FXYD2: variants seen among roughly 807,000 people sequenced by gnomAD.
FXYD2 encodes the protein sodium/potassium-transporting ATPase subunit gamma.
In FXYD2, 8 loss-of-function variants were observed where a neutral mutation model predicts 11.8. The ratio of observed to expected loss-of-function variants is 0.68; its 90% CI spans 0.40 to 1.22. The LOEUF is 1.22. FXYD2 is among the 50% of genes most tolerant of loss of function. The pLI is 0.01. For missense variants in FXYD2, 92 were observed against 91.8 expected (o/e 1.00, Z -0.01); for synonymous variants, 42 against 33.3 (o/e 1.26, Z -0.90).
At chr11:117,825,687 C>T (rs2056022281), upstream of FXYD2, among the ~76,000 whole-genome samples, 1 of 152,130 alleles carries the variant, frequency 6.6e-6, no homozygotes, top group Admixed American at 6.6e-5. Flanking sequence ...TTCCACACCT[C>T]GCAGGCAGCC....
intron 3 of FXYD2, chr11:117,821,662 C>A: frequency 1.0e-6 from 1 of 977,718 alleles, no homozygotes; most frequent in Non-Finnish European, 1.2e-6. Flanking sequence ...AATGGGGAGA[C>A]CTGCAGGACT....
chr11:117,826,782 A>ATCTGTCTGTCTG (rs1343899155), upstream of FXYD2, among the ~76,000 whole-genome samples: 11 of 71,782 alleles, frequency 1.5e-4, no homozygotes, highest in South Asian at 2.6e-3. Context: ...CTGTCTGTCT[A>ATCTGTCTGTCTG]TCTATCTATC....
At chr11:117,826,778 G>GTCTATCTGTCTGTCTATCTATCTA (rs1555040290), upstream of FXYD2, among the ~76,000 whole-genome samples, 652 of 125,864 alleles carry the variant, frequency 5.2e-3, 4 homozygotes, top group East Asian at 0.016. Flanking sequence ...CTGTCTGTCT[G>GTCTATCTGTCTGTCTATCTATCTA]TCTATCTATC....
chr11:117,822,367 C>G lies in FXYD2; in HGVS notation c.139+39G>C. The G allele has an allele frequency of 6.4e-7, 1 of 1,551,008 alleles. No individual in the cohort carries two copies. ...TCAGCGGCCTTGAGAAGAGAGGTGC[C>G]CTGGTCAGCACCCCTTCCCTGGAGG... On this transcript the variant is annotated intron_variant, in intron 3 of 5. Coordinates refer to ENST00000292079, the MANE Select transcript of FXYD2 (RefSeq NM_001680.5). This position sits in a 1 kb window ranked among gnomAD's most constrained non-coding sequence, Gnocchi z 4.7.
intron 1 of FXYD2, among the ~76,000 whole-genome samples, chr11:117,823,943 C>T (rs2055975824): frequency 6.6e-6 from 1 of 152,194 alleles, no homozygotes; most frequent in South Asian, 2.1e-4. Flanking sequence ...GACCCAGGTC[C>T]CACACAGAAG....
upstream of FXYD2, chr11:117,824,765 C>T (rs2055999183): frequency 1.3e-5 from 21 of 1,562,302 alleles, no homozygotes; most frequent in Middle Eastern, 3.3e-4. The surrounding 1 kb of genome is among the most constrained non-coding windows in gnomAD (Gnocchi z 4.0). Context: ...ACGGGGTGGC[C>T]GGGGACGAGG....
chr11:117,824,630 G>A lies in FXYD2; in HGVS notation c.25+24C>T, dbSNP rs369874877. On this transcript the variant is annotated intron_variant, in intron 1 of 5. Transcript: ENST00000292079. This position sits in a 1 kb window ranked among gnomAD's most constrained non-coding sequence, Gnocchi z 4.0. ...GAGCCACCCAGCATTGCACACGCCC[G>A]GGCACGCACACCAGCACACTCACCA... 7.8e-5 allele frequency: 125 copies of A among 1,603,238 alleles called. No individual in the cohort carries two copies. The highest frequency in any genetic ancestry group is 1.6e-4 in the Middle Eastern group (1 of 6,064).
chr11:117,827,133 TA>T (rs2056062163), upstream of FXYD2, among the ~76,000 whole-genome samples: 3 of 134,234 alleles, frequency 2.2e-5, no homozygotes, highest in Non-Finnish European at 3.3e-5. Flanking sequence ...GATAGATAGA[TA>T]GATATGGATG....
chr11:117,822,607 G>A lies in FXYD2; in HGVS notation c.64+72C>T, dbSNP rs754269604. 6.3e-7 allele frequency: 1 copy of A among 1,583,178 alleles called. No individual in the cohort carries two copies. The highest frequency in any genetic ancestry group is 1.3e-5 in the African/African-American group (1 of 74,808). On this transcript the variant is annotated intron_variant, in intron 2 of 5. Transcript: ENST00000292079. The surrounding 1 kb of genome is among the most constrained non-coding windows in gnomAD (Gnocchi z 4.7). ...AAGGGGCACAGAGCATGGACCTGGG[G>A]CTGGGAGAGGCCGCTGCTTGGTGGA...
intron 5 of FXYD2, 69 bp downstream of exon 5, chr11:117,820,597 G>C: frequency 6.3e-7 from 1 of 1,596,906 alleles, no homozygotes; most frequent in Non-Finnish European, 8.6e-7. Context: ...CCAGGAGCCA[G>C]AATTCTTCCC....
chr11:117,824,665 G>A lies in FXYD2; in HGVS notation c.14C>T (p.Ser5Leu), dbSNP rs749565936. Residue 5 changes from serine (S) to leucine (L), a missense_variant, in exon 1 of 6, where the codon TCG (serine) becomes TTG (leucine). Physicochemically the swap from Ser to Leu is moderately radical, Grantham distance 145. Transcript: ENST00000292079. This position sits in a 1 kb window ranked among gnomAD's most constrained non-coding sequence, Gnocchi z 4.0. MTGLSMDGGGSPKGD... is the reference protein window; with the variant it reads MTGLLMDGGGSPKGD... ...ACCAGCACACTCACCACCGTCCATC[G>A]ACAACCCAGTCATTTCCCCAGGTGA... 27 of 1,613,650 alleles carry A rather than the reference G, an allele frequency of 1.7e-5. No individual in the cohort carries two copies. Among genetic ancestry groups the A allele is most frequent in the African/African-American group, 6.7e-5 (5 of 74,860 alleles).
At chr11:117,823,662 G>A (rs976950381) in intron 1 of FXYD2, among the ~76,000 whole-genome samples, 3 of 152,234 alleles carry the variant, frequency 2.0e-5, no homozygotes, top group Non-Finnish European at 2.9e-5. Context: ...TGGCCAGGAC[G>A]CTTCTGCCAC....
chr11:117,823,624 A>G (rs2055966818), intron 1 of FXYD2, among the ~76,000 whole-genome samples: 1 of 152,202 alleles, frequency 6.6e-6, no homozygotes, highest in Non-Finnish European at 1.5e-5. Context: ...AACTGAGTAC[A>G]CTTGCCCCGG....
chr11:117,826,778 G>GTCTGTCTGTCTA (rs1344802450), upstream of FXYD2, among the ~76,000 whole-genome samples: 2,380 of 125,780 alleles, frequency 0.019, 25 homozygotes, highest in Non-Finnish European at 0.024. Context: ...CTGTCTGTCT[G>GTCTGTCTGTCTA]TCTATCTATC....
chr11:117,824,873 G>T, upstream of FXYD2: 1 of 712,332 alleles, frequency 1.4e-6, no homozygotes, highest in Non-Finnish European at 2.5e-6. The surrounding 1 kb of genome is among the most constrained non-coding windows in gnomAD (Gnocchi z 4.0). Context: ...GGGTGAGGAC[G>T]TGCGTGGGGA....
At chr11:117,825,415 T>C (rs2056014141), upstream of FXYD2, among the ~76,000 whole-genome samples, 1 of 152,238 alleles carries the variant, frequency 6.6e-6, no homozygotes, top group Non-Finnish European at 1.5e-5. Flanking sequence ...GCTCTCGGAT[T>C]GTGTCCTTGC....
chr11:117,820,882 G>A lies in FXYD2; in HGVS notation c.153C>T (p.Arg51=). 6.2e-7 allele frequency: 1 copy of A among 1,612,830 alleles called. No homozygotes were observed. The highest frequency in any genetic ancestry group is 8.5e-7 in the Non-Finnish European group (1 of 1,179,906). Residue 51 remains arginine, a synonymous_variant, in exon 4 of 6, where the codon CGC becomes CGT. Coordinates refer to ENST00000292079, the MANE Select transcript of FXYD2 (RefSeq NM_001680.5). The part of the protein sequence containing the change: ...GLLILLSRRF[R]CGGNKKRRQI... Reference sequence around the variant, plus strand: ...ACCTGCGCTTCTTATTGCCCCCACAGCGGAATCTTCTGCCTTGAAAAGAGA... The same window carrying A: ...ACCTGCGCTTCTTATTGCCCCCACAACGGAATCTTCTGCCTTGAAAAGAGA...
In FXYD2 at chr11:117,824,592, G is replaced by T; in HGVS notation, c.25+62C>A. The T allele has an allele frequency of 2.9e-6, 4 of 1,375,526 alleles. No homozygotes were observed. Among genetic ancestry groups the T allele is most frequent in the Non-Finnish European group, 4.2e-6 (4 of 963,268 alleles). The allele number at this position is 1,375,526 out of a possible 1,614,324, so 85.2% of individuals were successfully genotyped here. A position where few individuals can be genotyped will look rare whatever the true frequency, so the allele number is the denominator to read the frequency against. On this transcript the variant is annotated intron_variant, in intron 1 of 5. Transcript: ENST00000292079. The surrounding 1 kb of genome is among the most constrained non-coding windows in gnomAD (Gnocchi z 4.0). ...AGTAGGGTCCAGCTGACCCCACAAAGGCAGGCCAATCAGAGCCACCCAGCA... is the reference window on the plus strand; with the variant it reads ...AGTAGGGTCCAGCTGACCCCACAAATGCAGGCCAATCAGAGCCACCCAGCA...
At chr11:117,821,645 A>T in intron 3 of FXYD2, 1 of 985,060 alleles carries the variant, frequency 1.0e-6, no homozygotes, top group Non-Finnish European at 1.2e-6. Flanking sequence ...CACGGGCAAC[A>T]TGTGAAAATG....
Sources: allele counts gnomAD v4.1 joint callset (sites outside exome capture counted in the v4.1 genomes callset), GRCh38; gene constraint gnomAD v4.1.1; non-coding constraint Gnocchi (gnomAD v3.1); transcripts MANE v1.5; gene names NCBI Gene and HGNC (gene_info 2026-07-23, HGNC 2026-07-21).